The following FNIP1 variants were observed in gnomAD, a reference collection of about 807,000 sequenced individuals.
FNIP1 encodes folliculin-interacting protein 1.
In FNIP1, 40 loss-of-function variants were observed where a neutral mutation model predicts 124.5. That is an observed-to-expected ratio of 0.32 (90% CI 0.25 to 0.42). The LOEUF (loss-of-function observed/expected upper bound fraction) is 0.42, where lower values mean the gene tolerates loss of function less well. FNIP1 is among the 10% of genes least tolerant of loss of function. The probability of loss-of-function intolerance (pLI) is 1.00; values close to 1 mark genes in which losing one functional copy is unlikely to be tolerated. For missense variants in FNIP1, 1,176 were observed against 1,403.7 expected, an observed-to-expected ratio of 0.84 and a Z score of 2.59; for synonymous variants, 472 against 470.6, an observed-to-expected ratio of 1.00 and a Z score of -0.04.
chr5:131,688,019 G>T (rs191741074), intron 11 of FNIP1, among the ~76,000 whole-genome samples: 108 of 152,068 alleles, frequency 7.1e-4, no homozygotes, highest in Middle Eastern at 3.4e-3. Flanking sequence ...CTTCCTCGCT[G>T]GCCTCTGGAA....
intron 1 of FNIP1, among the ~76,000 whole-genome samples, chr5:131,791,034 G>C (rs1488853779): frequency 1.3e-5 from 2 of 152,190 alleles, no homozygotes; most frequent in African/African-American, 4.8e-5. Context: ...CAATTTGACA[G>C]GAGTGGATTA....
At chr5:131,658,097 C>T (rs1321962255) in intron 15 of FNIP1, among the ~76,000 whole-genome samples, 1 of 150,658 alleles carries the variant, frequency 6.6e-6, no homozygotes, top group Non-Finnish European at 1.5e-5. Context: ...CTAACAGACA[C>T]CATACCAGAG....
At position 131,748,752 on chromosome 5, in the gene FNIP1, T is replaced by C. The variant is rs146683347; in HGVS notation, c.93-4062A>G. 5.1e-3 allele frequency among the ~76,000 whole-genome samples: 771 copies of C among 151,114 alleles called. 4 individuals are homozygous for C. Among genetic ancestry groups the C allele is most frequent in the African/African-American group, 0.017 (708 of 41,236 alleles). The stretch of plus-strand genomic sequence containing the variant: ...CTATGTTACTGGTTTATGAATTTAC[T>C]ATACTTTTATCATTATTTTAAAGTG... On this transcript the variant is annotated intron_variant, in intron 1 of 17. Coordinates refer to ENST00000510461, the MANE Select transcript of FNIP1 (RefSeq NM_133372.3).
Position 131,660,755 on chromosome 5 carries a change from C to T in FNIP1, c.3109-8756G>A, listed in dbSNP as rs142133330. Reference sequence around the variant, plus strand: ...CCCTGGGCAGTTACAAATTTGGGGGCTCATCTGGGATCACCCTTGTGGCTA... The same window carrying T: ...CCCTGGGCAGTTACAAATTTGGGGGTTCATCTGGGATCACCCTTGTGGCTA... On this transcript the variant is annotated intron_variant, in intron 15 of 17. Transcript: ENST00000510461. 3.1e-3 allele frequency among the ~76,000 whole-genome samples: 472 copies of T among 152,308 alleles called. 1 individual carries two copies. Among genetic ancestry groups the T allele is most frequent in the African/African-American group, 0.011 (451 of 41,564 alleles).
At position 131,661,712 on chromosome 5, in the gene FNIP1, C is replaced by T. The variant is rs149174515; in HGVS notation, c.3108+8751G>A. ...GTAATTTTCCTTTGTGACTATGGTG[C>T]GGTGAGCAACATCGCCAGGGCAGCT... On this transcript the variant is annotated intron_variant, in intron 15 of 17. Coordinates refer to ENST00000510461, the MANE Select transcript of FNIP1 (RefSeq NM_133372.3). Among the ~76,000 whole-genome samples the T allele has an allele frequency of 3.5e-3, 536 of 152,152 alleles. 2 individuals carry two copies. Among genetic ancestry groups the T allele is most frequent in the African/African-American group, 0.01 (432 of 41,492 alleles).
At chr5:131,736,226 T>G (rs1420032603) in intron 2 of FNIP1, among the ~76,000 whole-genome samples, 3 of 152,206 alleles carry the variant, frequency 2.0e-5, no homozygotes, top group African/African-American at 7.2e-5. Flanking sequence ...TTAATAACCT[T>G]ATTACTTATT....
At chr5:131,654,125 T>C (rs1767123973) in intron 15 of FNIP1, among the ~76,000 whole-genome samples, 1 of 152,238 alleles carries the variant, frequency 6.6e-6, no homozygotes, top group South Asian at 2.1e-4. Context: ...GACTCATATA[T>C]ACATAGTCAT....
chr5:131,651,086 T>TAA (rs558940497), intron 16 of FNIP1, among the ~76,000 whole-genome samples: 3 of 145,080 alleles, frequency 2.1e-5, no homozygotes, highest in Non-Finnish European at 3.1e-5. Flanking sequence ...CTGGATGGAT[T>TAA]AAAAAAAAAA....
chr5:131,721,506 A>C (rs1002363832), intron 3 of FNIP1, among the ~76,000 whole-genome samples: 6 of 152,090 alleles, frequency 3.9e-5, no homozygotes, highest in African/African-American at 1.4e-4. Context: ...TTTTTTTTAA[A>C]GACTTCCTTG....
Position 131,671,579 on chromosome 5 carries a change from C to T in FNIP1, c.2865G>A (p.Met955Ile), listed in dbSNP as rs761545526. 1.9e-6 allele frequency: 3 copies of T among 1,613,758 alleles called. No homozygotes were observed. Among genetic ancestry groups the T allele is most frequent in the Non-Finnish European group, 2.5e-6 (3 of 1,180,004 alleles). Reference protein sequence around the residue: ...DSESEDTGHDMTRQVSSYYGG... With the variant: ...DSESEDTGHDITRQVSSYYGG... ...CATAATAACTGCTAACTTGTCTAGT[C>T]ATATCATGACCTGTATCTTCACTTT... Residue 955 changes from methionine (M) to isoleucine (I), a missense_variant, in exon 14 of 18, where the codon ATG becomes ATA. Met to Ile is a conservative substitution (Grantham distance 10, BLOSUM62 1). This residue lies in a region of FNIP1 where 1,109 missense variants were observed against 1,288.5 expected (regional missense o/e 0.86). Coordinates refer to ENST00000510461, the MANE Select transcript of FNIP1 (RefSeq NM_133372.3).
chr5:131,712,706 T>C (rs1769336355), intron 6 of FNIP1, among the ~76,000 whole-genome samples: 1 of 152,230 alleles, frequency 6.6e-6, no homozygotes, highest in African/African-American at 2.4e-5. Context: ...TTGTAATTTC[T>C]AATAAAGTAT....
chr5:131,658,907 C>CAA (rs70974003), intron 15 of FNIP1, among the ~76,000 whole-genome samples: 1,305 of 41,096 alleles, frequency 0.032, 267 homozygotes, highest in African/African-American at 0.079. Flanking sequence ...TGGGTCTAGC[C>CAA]AAAAAAAAAA....
intron 1 of FNIP1, among the ~76,000 whole-genome samples, chr5:131,780,170 AG>A (rs1290907514): frequency 6.6e-6 from 1 of 152,230 alleles, no homozygotes; most frequent in African/African-American, 2.4e-5. Context: ...TTTAAGACAA[AG>A]AGAATATGAC....
At chr5:131,648,779 A>G (rs1326212985) in intron 16 of FNIP1, among the ~76,000 whole-genome samples, 2 of 152,164 alleles carry the variant, frequency 1.3e-5, no homozygotes, top group African/African-American at 4.8e-5. Context: ...TCTCAAACAA[A>G]AACTCTGTAC....
rs746658020 is a variant in FNIP1 at position 131,671,779 on chromosome 5, C to G, written c.2665G>C (p.Glu889Gln). The G allele has an allele frequency of 4.3e-6, 7 of 1,614,052 alleles. No homozygotes were observed. Among genetic ancestry groups the G allele is most frequent in the Non-Finnish European group, 5.9e-6 (7 of 1,180,004 alleles). The change falls in exon 14 of 18, where the codon GAA becomes CAA. Residue 889 changes from glutamate to glutamine, a missense_variant. Transcript: ENST00000510461. ...TTACATGAATCTTGGGGAACTGTTT[C>G]TATACATTTACAAAATTCATTGTTC... Reference protein sequence around the residue: ...KQNNEFCKCIETVPQDSCKTC... With the variant: ...KQNNEFCKCIQTVPQDSCKTC...
At chr5:131,777,260 CT>C (rs951250277) in intron 1 of FNIP1, among the ~76,000 whole-genome samples, 22 of 148,584 alleles carry the variant, frequency 1.5e-4, no homozygotes, top group African/African-American at 3.7e-4. Context: ...TTTCAGTTAA[CT>C]TTTTTTTTTG....
chr5:131,745,935 G>A (rs1242718922), intron 1 of FNIP1, among the ~76,000 whole-genome samples: 2 of 152,180 alleles, frequency 1.3e-5, no homozygotes, highest in African/African-American at 4.8e-5. Context: ...TAAGGTGGAG[G>A]GAAAAGTGTA....
At chr5:131,738,717 G>C (rs1362421083) in intron 2 of FNIP1, among the ~76,000 whole-genome samples, 1 of 151,700 alleles carries the variant, frequency 6.6e-6, no homozygotes, top group African/African-American at 2.4e-5. Context: ...CGTTGGCCAG[G>C]CTGGTCTTGA....
intron 15 of FNIP1, 31 bp downstream of exon 15, chr5:131,670,432 A>G (rs1451522208): frequency 6.6e-7 from 1 of 1,513,376 alleles, no homozygotes; most frequent in Non-Finnish European, 8.8e-7. Flanking sequence ...GTTTCTTCTA[A>G]ATAAACTCAA....
Sources: allele counts gnomAD v4.1 joint callset (sites outside exome capture counted in the v4.1 genomes callset), GRCh38; gene constraint gnomAD v4.1.1; regional missense constraint gnomAD v4.1.1; transcripts MANE v1.5; gene names NCBI Gene and HGNC (gene_info 2026-07-23, HGNC 2026-07-21).